EYS: variants seen among roughly 807,000 people sequenced by gnomAD.
The protein encoded by EYS is EGF-like photoreceptor maintenance factor, also known as protein eyes shut homolog.
In EYS, 250 loss-of-function variants were observed where a neutral mutation model predicts 282.1. The ratio of observed to expected loss-of-function variants is 0.89; its 90% CI spans 0.80 to 0.98. The LOEUF (loss-of-function observed/expected upper bound fraction) is 0.98. EYS is among the 50% of genes least tolerant of loss of function. EYS has a pLI of 0.00. For synonymous variants in EYS, 1,355 were observed against 1,282.9 expected (o/e 1.06, Z -1.20); for missense variants, 4,016 against 3,709.0 (o/e 1.08, Z -2.15).
chr6:64,750,884 G>C (rs908482560), intron 22 of EYS, among the ~76,000 whole-genome samples: 5 of 152,198 alleles, frequency 3.3e-5, no homozygotes, highest in African/African-American at 1.2e-4. Context: ...CAGTACATGA[G>C]AGGGGCAGAG....
intron 1 of EYS, among the ~76,000 whole-genome samples, chr6:65,640,252 G>T (rs920296476): frequency 6.6e-6 from 1 of 152,152 alleles, no homozygotes; most frequent in African/African-American, 2.4e-5. Flanking sequence ...ATACTGGAAA[G>T]AAATGTTAGG....
chr6:64,877,418 AT>A (rs1176193485), intron 19 of EYS, among the ~76,000 whole-genome samples: 2 of 152,172 alleles, frequency 1.3e-5, no homozygotes, highest in African/African-American at 4.8e-5. Context: ...TATTTATGGT[AT>A]TTTTTAAATG....
At position 64,617,398 on chromosome 6, in the gene EYS, C is replaced by G; in HGVS notation, c.3684+20G>C. 7.0e-7 allele frequency: 1 copy of G among 1,436,072 alleles called. No homozygotes were observed. Among genetic ancestry groups the G allele is most frequent in the Non-Finnish European group, 9.6e-7 (1 of 1,041,914 alleles). 89.0% of individuals were successfully genotyped at this position (1,436,072 alleles called of 1,614,324 possible). ...AGAGAATAAAAAATTATTACAACCA[C>G]AACCACCAGTAATCTTTACCATAAA... On this transcript the variant is annotated intron_variant, in intron 24 of 42. Transcript: ENST00000503581.
At chr6:64,540,915 G>A (rs571487826) in intron 26 of EYS, among the ~76,000 whole-genome samples, 2 of 152,324 alleles carry the variant, frequency 1.3e-5, no homozygotes, top group Admixed American at 1.3e-4. Context: ...CAGGAAAGCA[G>A]AGAATCAAGA....
intron 15 of EYS, among the ~76,000 whole-genome samples, chr6:64,937,163 T>C (rs903629764): frequency 9.0e-4 from 137 of 151,436 alleles, no homozygotes; most frequent in African/African-American, 3.1e-3. Flanking sequence ...AAATGGATTA[T>C]ATCTCAATAT....
At chr6:64,764,536 T>C (rs1166764139) in intron 22 of EYS, among the ~76,000 whole-genome samples, 2 of 152,206 alleles carry the variant, frequency 1.3e-5, no homozygotes, top group African/African-American at 4.8e-5. Flanking sequence ...AGGCCTGTGA[T>C]GGGAGGGGCT....
intron 1 of EYS, among the ~76,000 whole-genome samples, chr6:65,648,802 C>T (rs75644066): frequency 0.028 from 4,264 of 151,986 alleles, 238 homozygotes; most frequent in East Asian, 0.18. Flanking sequence ...GGCTGAACAA[C>T]GCACTATTCC....
chr6:64,362,529 T>G (rs1202460390), intron 29 of EYS, among the ~76,000 whole-genome samples: 3 of 151,798 alleles, frequency 2.0e-5, no homozygotes, highest in Non-Finnish European at 4.4e-5. Flanking sequence ...TCACAAAAAT[T>G]TCATAGTAAA....
At chr6:65,468,815 A>G (rs1765102856) in intron 5 of EYS, among the ~76,000 whole-genome samples, 1 of 152,070 alleles carries the variant, frequency 6.6e-6, no homozygotes, top group African/African-American at 2.4e-5. Context: ...CTGAAACTCT[A>G]TTCTCTTCCA....
chr6:64,622,060 T>C (rs1767462312), intron 23 of EYS, among the ~76,000 whole-genome samples: 1 of 152,152 alleles, frequency 6.6e-6, no homozygotes, highest in Non-Finnish European at 1.5e-5. Context: ...AAAACCCATT[T>C]AATTCCCTAT....
intron 33 of EYS, among the ~76,000 whole-genome samples, chr6:64,038,952 C>T (rs1304692284): frequency 6.6e-6 from 1 of 152,084 alleles, no homozygotes; most frequent in African/African-American, 2.4e-5. Context: ...CCACAGGTCC[C>T]TACAACCGTG....
chr6:64,666,463 C>T (rs6925463), intron 22 of EYS, among the ~76,000 whole-genome samples: 90,991 of 151,976 alleles, frequency 0.6, 27,436 homozygotes, highest in South Asian at 0.68. Flanking sequence ...GTTAATTCTC[C>T]CCTAGTTCCC....
chr6:63,802,675 A>G (rs1053658746), intron 37 of EYS, among the ~76,000 whole-genome samples: 1 of 151,884 alleles, frequency 6.6e-6, no homozygotes, highest in African/African-American at 2.4e-5. Context: ...TTCAATATAC[A>G]TGATTCAATA....
intron 12 of EYS, chr6:65,295,633 CTTA>C: frequency 1.9e-6 from 1 of 525,096 alleles, no homozygotes; most frequent in Non-Finnish European, 3.3e-6. Context: ...TCAGCCTGAC[CTTA>C]TTAGTCTTAT....
chr6:63,753,365 A>C (rs942396482), intron 41 of EYS, among the ~76,000 whole-genome samples: 1 of 151,958 alleles, frequency 6.6e-6, no homozygotes, highest in Non-Finnish European at 1.5e-5. Flanking sequence ...AATTTTGAAT[A>C]ATCATCATCC....
chr6:63,827,866 A>AAAT (rs1554175915), intron 36 of EYS, among the ~76,000 whole-genome samples: 1 of 148,408 alleles, frequency 6.7e-6, no homozygotes, highest in East Asian at 2.0e-4. Context: ...AAAAAAAAAA[A>AAAT]AAAAAGAAAT....
At chr6:65,285,341 G>A (rs1405757621) in intron 12 of EYS, among the ~76,000 whole-genome samples, 2 of 151,908 alleles carry the variant, frequency 1.3e-5, no homozygotes, top group Non-Finnish European at 2.9e-5. Context: ...ATTTATGAGA[G>A]CAGGGCAGTA....
At chr6:64,643,745 A>G (rs557389993) in intron 22 of EYS, among the ~76,000 whole-genome samples, 2 of 152,320 alleles carry the variant, frequency 1.3e-5, no homozygotes, top group South Asian at 4.1e-4. Context: ...TGATAGTTTT[A>G]TAAGGGAGAG....
intron 22 of EYS, among the ~76,000 whole-genome samples, chr6:64,691,918 G>T (rs571212600): frequency 1.3e-5 from 2 of 152,246 alleles, no homozygotes; most frequent in South Asian, 4.1e-4. Flanking sequence ...CACCTGGATT[G>T]GTTTCACGTT....
Sources: allele counts gnomAD v4.1 joint callset (sites outside exome capture counted in the v4.1 genomes callset), GRCh38; gene constraint gnomAD v4.1.1; transcripts MANE v1.5; gene names NCBI Gene and HGNC (gene_info 2026-07-23, HGNC 2026-07-21).